Variants in TPD52 observed in about 807,000 individuals in gnomAD.
TPD52 encodes the protein tumor protein D52.
A neutral mutation model predicts 31.3 loss-of-function variants in TPD52; 17 were observed. The ratio of observed to expected loss-of-function variants is 0.54; its 90% CI spans 0.37 to 0.82. The LOEUF is 0.82. TPD52 is among the 40% of genes least tolerant of loss of function. The pLI is 0.00. For synonymous variants in TPD52, 83 were observed against 89.6 expected, an observed-to-expected ratio of 0.93 and a Z score of 0.42; for missense variants, 212 against 240.1, an observed-to-expected ratio of 0.88 and a Z score of 0.77.
intron 1 of TPD52, among the ~76,000 whole-genome samples, chr8:80,127,130 A>G (rs1808674928): frequency 6.6e-6 from 1 of 152,084 alleles, no homozygotes; most frequent in Non-Finnish European, 1.5e-5. Context: ...AAAGAAGAGA[A>G]AGATACCATG....
rs73261860 is a variant in TPD52, at chr8:80,092,291, C to G, written c.20-27698G>C. On this transcript the variant is annotated intron_variant, in intron 1 of 7. Coordinates refer to ENST00000518937, the MANE Select transcript of TPD52 (RefSeq NM_001025253.3). Reference sequence around the variant, plus strand: ...TCTAAGGTATGTTTGTAACCATTAACTAACCTCGTTTTATCCTCCCCCCAC... The same window carrying G: ...TCTAAGGTATGTTTGTAACCATTAAGTAACCTCGTTTTATCCTCCCCCCAC... 2.5e-3 allele frequency among the ~76,000 whole-genome samples: 387 copies of G among 152,304 alleles called. 3 individuals carry two copies. The highest frequency in any genetic ancestry group is 9.0e-3 in the African/African-American group (374 of 41,554).
At chr8:80,152,498 C>T (rs1221079226) in intron 1 of TPD52, among the ~76,000 whole-genome samples, 1 of 152,088 alleles carries the variant, frequency 6.6e-6, no homozygotes, top group Non-Finnish European at 1.5e-5. Flanking sequence ...AGATGTCAGG[C>T]AGCCGGGAGC....
chr8:80,141,712 C>G (rs1809839124), intron 1 of TPD52, among the ~76,000 whole-genome samples: 1 of 152,072 alleles, frequency 6.6e-6, no homozygotes, highest in Admixed American at 6.6e-5. Context: ...GAGATCGAGA[C>G]CATCCTGGCC....
At chr8:80,155,650 G>A (rs1465962031) in intron 1 of TPD52, among the ~76,000 whole-genome samples, 16 of 152,302 alleles carry the variant, frequency 1.1e-4, no homozygotes, top group Middle Eastern at 6.8e-3. Flanking sequence ...TTGAGAGGCC[G>A]AGGCGGGCAG....
At chr8:80,099,861 G>A (rs1408117998) in intron 1 of TPD52, among the ~76,000 whole-genome samples, 13 of 152,154 alleles carry the variant, frequency 8.5e-5, no homozygotes, top group Non-Finnish European at 2.9e-5. Flanking sequence ...ATTGAATGCA[G>A]AAGTAGAACA....
chr8:80,065,938 T>TA (rs1646662267), intron 1 of TPD52, among the ~76,000 whole-genome samples: 1 of 143,832 alleles, frequency 7.0e-6, no homozygotes, highest in South Asian at 2.2e-4. Context: ...CAACAGATTT[T>TA]TTTTTTTTTT....
chr8:80,118,955 CA>C (rs927189344), intron 1 of TPD52, among the ~76,000 whole-genome samples: 1 of 151,930 alleles, frequency 6.6e-6, no homozygotes, highest in African/African-American at 2.4e-5. Context: ...TATGTCTGTA[CA>C]AAAAAACATG....
chr8:80,145,129 T>TC (rs1810103996), intron 1 of TPD52, among the ~76,000 whole-genome samples: 1 of 152,182 alleles, frequency 6.6e-6, no homozygotes. Context: ...TTGTTGCCAC[T>TC]TAGTAGAGTA....
At chr8:80,057,204 T>C (rs911338204) in intron 2 of TPD52, among the ~76,000 whole-genome samples, 1 of 151,812 alleles carries the variant, frequency 6.6e-6, no homozygotes, top group South Asian at 2.1e-4. Flanking sequence ...AAAACACACA[T>C]CCATACAAAA....
chr8:80,061,182 T>C (rs1369023020), intron 2 of TPD52, among the ~76,000 whole-genome samples: 1 of 149,692 alleles, frequency 6.7e-6, no homozygotes, highest in Admixed American at 6.7e-5. Flanking sequence ...CTGACCAATA[T>C]GGAGAAACCC....
rs1413100179 is a variant in TPD52 at position 80,094,460 on chromosome 8, ATATATATATATATATATATATATATG to A, written c.20-29893_20-29868del. ...TATATATATATATATATATATATAT[ATATATATATATATATATATATATATG>A]TATGTATATATAACATGAGGGAGAC... is the stretch of plus-strand genomic sequence containing the variant. On this transcript the variant is annotated intron_variant, in intron 1 of 7. Transcript: ENST00000518937. 4.6e-5 allele frequency among the ~76,000 whole-genome samples: 5 copies of A among 109,320 alleles called. No individual in the cohort carries two copies. The South Asian group carries it at 1.6e-3, about 35-fold the overall frequency. The allele number at this position is 109,320 out of a possible 152,430, so 71.7% of individuals were successfully genotyped here.
intron 1 of TPD52, among the ~76,000 whole-genome samples, chr8:80,153,234 T>C (rs1422358403): frequency 6.6e-6 from 1 of 152,234 alleles, no homozygotes; most frequent in Non-Finnish European, 1.5e-5. Context: ...TACAGCTGCT[T>C]TGACTGCAAT....
chr8:80,082,004 C>T (rs530595606), intron 1 of TPD52, among the ~76,000 whole-genome samples: 77 of 152,130 alleles, frequency 5.1e-4, no homozygotes, highest in African/African-American at 1.7e-3. Context: ...GATGGGGTTT[C>T]GCCATGTTGG....
intron 1 of TPD52, among the ~76,000 whole-genome samples, chr8:80,099,740 A>G (rs1426406602): frequency 6.6e-6 from 1 of 152,122 alleles, no homozygotes; most frequent in African/African-American, 2.4e-5. Flanking sequence ...TGAACACCTG[A>G]CCTCAAGTGA....
chr8:80,104,395 T>C (rs1444285585), intron 1 of TPD52, among the ~76,000 whole-genome samples: 2 of 151,768 alleles, frequency 1.3e-5, no homozygotes, highest in African/African-American at 2.4e-5. Flanking sequence ...GTGGAAGTTT[T>C]TACCTAAACA....
chr8:80,072,576 C>T lies in TPD52; in HGVS notation c.20-7983G>A, dbSNP rs111162622. On this transcript the variant is annotated intron_variant, in intron 1 of 7. Coordinates refer to ENST00000518937, the MANE Select transcript of TPD52 (RefSeq NM_001025253.3). Reference sequence around the variant, plus strand: ...GTATATACATGTACACATAGATATGCGTGTATATACATGTACACATAGATA... The same window carrying T: ...GTATATACATGTACACATAGATATGTGTGTATATACATGTACACATAGATA... Among the ~76,000 whole-genome samples, 23 of 63,286 alleles carry T rather than the reference C, an allele frequency of 3.6e-4. 1 individual carries two copies. Among genetic ancestry groups the T allele is most frequent in the Admixed American group, 8.4e-4 (5 of 5,922 alleles). 41.5% of individuals were successfully genotyped at this position (63,286 alleles called of 152,430 possible).
At chr8:80,041,553 G>A (rs1384357451) in intron 7 of TPD52, among the ~76,000 whole-genome samples, 1 of 152,126 alleles carries the variant, frequency 6.6e-6, no homozygotes, top group Admixed American at 6.5e-5. Context: ...GAATAGATGG[G>A]AACTAGACAA....
At chr8:80,160,727 T>G (rs1811286850) in intron 1 of TPD52, among the ~76,000 whole-genome samples, 1 of 152,014 alleles carries the variant, frequency 6.6e-6, no homozygotes, top group Non-Finnish European at 1.5e-5. Context: ...CCATGTCTCC[T>G]AGGCTCAGAA....
At chr8:80,120,240 A>G (rs568338290) in intron 1 of TPD52, among the ~76,000 whole-genome samples, 2 of 152,296 alleles carry the variant, frequency 1.3e-5, no homozygotes, top group East Asian at 3.9e-4. Context: ...CTGTAATCCT[A>G]ACACTGTGGG....
Sources: gnomAD v4.1 joint callset for allele counts (sites outside exome capture counted in the v4.1 genomes callset) on GRCh38, gnomAD v4.1.1 for gene constraint, MANE v1.5 for transcripts, NCBI Gene and HGNC (gene_info 2026-07-23, HGNC 2026-07-21) for gene names.